ETFDH: variants seen among roughly 807,000 people sequenced by gnomAD.
ETFDH encodes electron transfer flavoprotein-ubiquinone oxidoreductase, mitochondrial.
Under a neutral mutation model 73.2 loss-of-function variants are expected in ETFDH, and 61 were observed. The ratio of observed to expected loss-of-function variants is 0.83; its 90% CI spans 0.68 to 1.03. The LOEUF is 1.03. ETFDH is among the 50% of genes least tolerant of loss of function. The pLI is 0.00. For missense variants in ETFDH, 685 were observed against 745.0 expected, an observed-to-expected ratio of 0.92 and a Z score of 0.94; for synonymous variants, 243 against 253.3, an observed-to-expected ratio of 0.96 and a Z score of 0.39.
intron 12 of ETFDH, among the ~76,000 whole-genome samples, chr4:158,708,163 C>T (rs545857110): frequency 2.6e-5 from 4 of 152,230 alleles, no homozygotes; most frequent in Admixed American, 2.6e-4. Context: ...AGCTGAATAC[C>T]GCTGTACCTC....
intron 7 of ETFDH, among the ~76,000 whole-genome samples, chr4:158,697,046 A>G (rs929837262): frequency 2.6e-5 from 4 of 152,036 alleles, no homozygotes; most frequent in Non-Finnish European, 4.4e-5. Context: ...GCAGTTTGAT[A>G]TAATTTTCTT....
At chr4:158,693,854 C>T (rs550532389) in intron 6 of ETFDH, among the ~76,000 whole-genome samples, 2 of 152,042 alleles carry the variant, frequency 1.3e-5, no homozygotes, top group South Asian at 2.1e-4. Context: ...ACTTAAACAT[C>T]GACAAGAAAA....
intron 4 of ETFDH, 32 bp from the exon 5 acceptor site, chr4:158,685,069 G>A (rs1773967752): frequency 7.9e-7 from 1 of 1,266,180 alleles, no homozygotes; most frequent in Non-Finnish European, 1.2e-6. Context: ...TCAATAAAAA[G>A]TCAGATTTAT....
chr4:158,683,149 C>T (rs1018173913), intron 3 of ETFDH, among the ~76,000 whole-genome samples: 2 of 152,146 alleles, frequency 1.3e-5, no homozygotes, highest in African/African-American at 4.8e-5. Context: ...ATTAATATGG[C>T]TTCCCATAAC....
Position 158,708,655 on chromosome 4 carries a change from A to ATTT in ETFDH, c.*130_*132dup, listed in dbSNP as rs909922265. ...GTCACAAAATGATTATCAAATAAAA[A>ATTT]TTTTATACTATATGTAAGATTGTCC... On this transcript the variant is annotated 3_prime_UTR_variant, in exon 13 of 13. Transcript: ENST00000511912. 6.4e-6 allele frequency: 5 copies of ATTT among 784,378 alleles called. No homozygotes were observed. The African/African-American group carries it at 8.7e-5, about 14-fold the overall frequency. The allele number at this position is 784,378 out of a possible 1,614,324, so 48.6% of individuals were successfully genotyped here.
At chr4:158,700,221 A>T (rs958659597) in intron 9 of ETFDH, among the ~76,000 whole-genome samples, 1 of 151,912 alleles carries the variant, frequency 6.6e-6, no homozygotes, top group African/African-American at 2.4e-5. Flanking sequence ...CCATAGCTAC[A>T]TTATAAATAT....
chr4:158,679,177 A>G (rs931541124), intron 1 of ETFDH: 1 of 152,000 alleles, frequency 6.6e-6, no homozygotes, highest in Non-Finnish European at 1.5e-5. Context: ...TTTTTTAATT[A>G]TTCTATCCCT....
At position 158,697,648 on chromosome 4, in the gene ETFDH, T is replaced by G; in HGVS notation, c.921T>G (p.Ser307=). The G allele has an allele frequency of 6.2e-7, 1 of 1,613,438 alleles. No homozygotes were observed. The highest frequency in any genetic ancestry group is 8.5e-7 in the Non-Finnish European group (1 of 1,179,396). The change falls in exon 8 of 13, where the codon TCT becomes TCG. Residue 307 remains serine, a synonymous_variant. Coordinates refer to ENST00000511912, the MANE Select transcript of ETFDH (RefSeq NM_004453.4). The part of the protein sequence containing the change: ...WPLDRHTYGG[S]FLYHLNEGEP... ...TGGACAGACATACCTATGGAGGATC[T>G]TTCCTCTATCATTTGAATGAAGGTG...
chr4:158,698,885 A>C (rs1174939068), intron 8 of ETFDH, 102 bp from the exon 9 acceptor site: 2 of 827,592 alleles, frequency 2.4e-6, no homozygotes, highest in African/African-American at 1.7e-5. Context: ...TTTGAGTAAA[A>C]GAAATTTAAC....
intron 1 of ETFDH, among the ~76,000 whole-genome samples, chr4:158,675,340 A>C (rs1177459824): frequency 2.0e-5 from 3 of 152,310 alleles, no homozygotes; most frequent in African/African-American, 7.2e-5. Flanking sequence ...TATTGTTTTC[A>C]AAGTTCTATG....
intron 5 of ETFDH, 95 bp downstream of exon 5, chr4:158,685,314 A>G: frequency 2.6e-6 from 2 of 757,050 alleles, no homozygotes; most frequent in Non-Finnish European, 4.7e-6. Context: ...AATATTTTTT[A>G]AAAGCCATGG....
chr4:158,680,599 G>A lies in ETFDH; in HGVS notation c.167G>A (p.Arg56Lys). 6.2e-7 allele frequency: 1 copy of A among 1,610,582 alleles called. No individual in the cohort carries two copies. The highest frequency in any genetic ancestry group is 8.5e-7 in the Non-Finnish European group (1 of 1,176,902). ...YTIYPRDKDK[R>K]WEGVNMERFA... The stretch of plus-strand genomic sequence containing the variant: ...ATTTATCCCCGGGATAAGGACAAGA[G>A]ATGGGAAGGTAAGTAATAATTTGTG... The change falls in exon 2 of 13, where the codon AGA (arginine) becomes AAA (lysine). Residue 56 changes from arginine (R) to lysine (K), a missense_variant. By Grantham distance (26) the Arg-to-Lys change is conservative. Around this residue, in one of 3 missense-constraint regions of ETFDH, gnomAD observed 405 missense variants for 399.3 expected, o/e 1.01. Coordinates refer to ENST00000511912, the MANE Select transcript of ETFDH (RefSeq NM_004453.4).
intron 8 of ETFDH, among the ~76,000 whole-genome samples, chr4:158,698,348 C>G (rs899353476): frequency 6.6e-6 from 1 of 152,146 alleles, no homozygotes; most frequent in Non-Finnish European, 1.5e-5. Context: ...CCCCCCAGTC[C>G]AATGTTCATC....
intron 11 of ETFDH, 125 bp downstream of exon 11, chr4:158,706,496 C>A: frequency 9.1e-7 from 1 of 1,097,784 alleles, no homozygotes; most frequent in Non-Finnish European, 1.4e-6. Flanking sequence ...TGTCTAAGAA[C>A]AGTATATTAT....
chr4:158,679,482 A>AGACATCTCT (rs1234419507), intron 1 of ETFDH: 1 of 152,166 alleles, frequency 6.6e-6, no homozygotes, highest in Non-Finnish European at 1.5e-5. Flanking sequence ...ACGGGAGAAA[A>AGACATCTCT]GACATCTCTT....
intron 1 of ETFDH, among the ~76,000 whole-genome samples, chr4:158,678,955 T>C (rs1773778346): frequency 6.6e-6 from 1 of 152,152 alleles, no homozygotes; most frequent in Non-Finnish European, 1.5e-5. Flanking sequence ...CAGCCAACCA[T>C]AGTCTTCTAT....
chr4:158,696,421 A>G (rs1179590468), intron 7 of ETFDH, among the ~76,000 whole-genome samples: 1 of 151,948 alleles, frequency 6.6e-6, no homozygotes, highest in Non-Finnish European at 1.5e-5. Flanking sequence ...CAGGAGAACC[A>G]CTTCACTCCA....
In ETFDH at chr4:158,680,527, G is replaced by A; in HGVS notation, c.95G>A (p.Arg32Lys). The change falls in exon 2 of 13, where the codon AGA (arginine) becomes AAA (lysine). Residue 32 changes from arginine to lysine, a missense_variant. By Grantham distance (26) the Arg-to-Lys change is conservative. Transcript: ENST00000511912. ...AATTATCTACCTCTATGTGCTACAA[G>A]ATGGTCTTCAACTTCTACTGTGCCT... is the stretch of plus-strand genomic sequence containing the variant. ...KKNYLPLCAT[R>K]WSSTSTVPRI... 6.2e-7 allele frequency: 1 copy of A among 1,600,508 alleles called. No individual in the cohort carries two copies. Among genetic ancestry groups the A allele is most frequent in the Non-Finnish European group, 8.6e-7 (1 of 1,167,682 alleles).
chr4:158,702,907 TA>T (rs1232568270), intron 9 of ETFDH, among the ~76,000 whole-genome samples: 1 of 152,216 alleles, frequency 6.6e-6, no homozygotes, highest in Non-Finnish European at 1.5e-5. Context: ...CTGTTTTCCA[TA>T]ATGGTTGTAC....
Sources: gnomAD v4.1 joint callset for allele counts (sites outside exome capture counted in the v4.1 genomes callset) on GRCh38, gnomAD v4.1.1 for gene constraint, gnomAD v4.1.1 regional missense constraint, MANE v1.5 for transcripts, NCBI Gene and HGNC (gene_info 2026-07-23, HGNC 2026-07-21) for gene names.